ACYP2: variants seen among roughly 807,000 people sequenced by gnomAD.
The protein encoded by ACYP2 is acylphosphatase 2.
A neutral mutation model predicts 11.2 loss-of-function variants in ACYP2; 12 were observed. The observed-to-expected ratio is 1.08, with a 90% CI of 0.69 to 1.74. The LOEUF (loss-of-function observed/expected upper bound fraction) is 1.74, where lower values mean the gene tolerates loss of function less well. Among genes scored for constraint, ACYP2 ranks in the 40% most tolerant of loss-of-function variants. The probability of loss-of-function intolerance (pLI) is 0.00; values close to 1 mark genes in which losing one functional copy is unlikely to be tolerated. For missense variants in ACYP2, 134 were observed against 101.9 expected, an observed-to-expected ratio of 1.31 and a Z score of -1.35; for synonymous variants, 43 against 32.2, an observed-to-expected ratio of 1.33 and a Z score of -1.13.
intron 4 of ACYP2, among the ~76,000 whole-genome samples, chr2:54,113,335 G>A (rs1455416692): frequency 1.3e-5 from 2 of 151,666 alleles, no homozygotes; most frequent in African/African-American, 4.8e-5. Context: ...TGCCTCCTGG[G>A]CAAAAGTGAT....
At chr2:54,104,501 T>C (rs894244692) in intron 4 of ACYP2, among the ~76,000 whole-genome samples, 1 of 152,186 alleles carries the variant, frequency 6.6e-6, no homozygotes, top group African/African-American at 2.4e-5. Context: ...CAGGTTTTGT[T>C]AAGTAGACAT....
At chr2:54,170,521 A>G (rs1683178222) in intron 6 of ACYP2, among the ~76,000 whole-genome samples, 1 of 151,842 alleles carries the variant, frequency 6.6e-6, no homozygotes, top group Non-Finnish European at 1.5e-5. Flanking sequence ...GGTGATAGAA[A>G]AACTTTACCT....
chr2:54,072,277 C>T (rs1677083885), intron 4 of ACYP2, among the ~76,000 whole-genome samples: 1 of 152,084 alleles, frequency 6.6e-6, no homozygotes, highest in South Asian at 2.1e-4. Flanking sequence ...CAATGCTATT[C>T]CAATCAAAAT....
At chr2:54,094,633 G>T (rs1385241916) in intron 4 of ACYP2, among the ~76,000 whole-genome samples, 1 of 151,894 alleles carries the variant, frequency 6.6e-6, no homozygotes, top group Non-Finnish European at 1.5e-5. Flanking sequence ...TTCCTCCTGT[G>T]CTCAACCAAT....
chr2:54,252,688 G>A (rs934504530), intron 6 of ACYP2, among the ~76,000 whole-genome samples: 1 of 152,096 alleles, frequency 6.6e-6, no homozygotes, highest in Non-Finnish European at 1.5e-5. Flanking sequence ...CGGATCACAA[G>A]GTCAGGAGAT....
intron 2 of ACYP2, among the ~76,000 whole-genome samples, chr2:54,007,058 G>T (rs1297160388): frequency 6.9e-6 from 1 of 145,358 alleles, no homozygotes; most frequent in Non-Finnish European, 1.5e-5. Flanking sequence ...CAAGGAGGCG[G>T]AACCTAGGAG....
At chr2:54,172,396 A>T (rs1217817160) in intron 6 of ACYP2, among the ~76,000 whole-genome samples, 1 of 152,200 alleles carries the variant, frequency 6.6e-6, no homozygotes, top group Admixed American at 6.5e-5. Flanking sequence ...ATTTGTACCA[A>T]CTGAAGTGTT....
chr2:54,071,236 A>G (rs1403346768), intron 4 of ACYP2, among the ~76,000 whole-genome samples: 2 of 152,172 alleles, frequency 1.3e-5, no homozygotes, highest in East Asian at 3.9e-4. Context: ...TAAGACAAGG[A>G]TATTTGCTCT....
chr2:54,118,165 T>A (rs1679925722), intron 4 of ACYP2, among the ~76,000 whole-genome samples: 1 of 152,216 alleles, frequency 6.6e-6, no homozygotes, highest in South Asian at 2.1e-4. Flanking sequence ...ATCTGGAAAT[T>A]GATTCCCTGA....
chr2:54,167,460 T>C (rs1044821904), intron 6 of ACYP2, among the ~76,000 whole-genome samples: 11 of 152,192 alleles, frequency 7.2e-5, no homozygotes, highest in African/African-American at 2.7e-4. Context: ...AGACAGAGAA[T>C]AGCGTAATAC....
intron 6 of ACYP2, among the ~76,000 whole-genome samples, chr2:54,196,621 T>C (rs1332096893): frequency 1.3e-5 from 2 of 152,236 alleles, no homozygotes; most frequent in African/African-American, 4.8e-5. Context: ...TATTGGCATT[T>C]GGGGCTGGAT....
chr2:54,035,282 T>C (rs1414093641), intron 2 of ACYP2, among the ~76,000 whole-genome samples: 1 of 143,892 alleles, frequency 6.9e-6, no homozygotes, highest in Non-Finnish European at 1.5e-5. Context: ...TTTTTTTTTT[T>C]TGAGACAGAG....
intron 6 of ACYP2, among the ~76,000 whole-genome samples, chr2:54,208,528 G>C (rs1440940046): frequency 6.6e-6 from 1 of 152,024 alleles, no homozygotes; most frequent in East Asian, 1.9e-4. Flanking sequence ...GACTCCCAGG[G>C]TTGGGCAGGA....
intron 4 of ACYP2, among the ~76,000 whole-genome samples, chr2:54,079,363 C>G (rs1044562193): frequency 2.0e-4 from 30 of 152,206 alleles, no homozygotes; most frequent in African/African-American, 7.0e-4. Flanking sequence ...AAACCTAAGC[C>G]AATCAGCATT....
intron 4 of ACYP2, among the ~76,000 whole-genome samples, chr2:54,103,051 T>G (rs1042609667): frequency 1.3e-5 from 2 of 151,916 alleles, no homozygotes; most frequent in African/African-American, 4.8e-5. Flanking sequence ...TGCACAAGGG[T>G]AAGGGAAGGC....
intron 6 of ACYP2, chr2:54,267,341 G>A: frequency 6.5e-7 from 1 of 1,548,794 alleles, no homozygotes; most frequent in Non-Finnish European, 8.7e-7. Context: ...AAACAAGATA[G>A]GGCAACAGCT....
intron 2 of ACYP2, among the ~76,000 whole-genome samples, chr2:54,023,018 A>G (rs1245737741): frequency 1.3e-5 from 2 of 152,204 alleles, no homozygotes; most frequent in Non-Finnish European, 2.9e-5. Context: ...TAAGACTTAC[A>G]TTAAATAAGT....
At chr2:54,210,302 C>A (rs1453696854) in intron 6 of ACYP2, among the ~76,000 whole-genome samples, 1 of 152,060 alleles carries the variant, frequency 6.6e-6, no homozygotes, top group African/African-American at 2.4e-5. Flanking sequence ...CCCTGGACTT[C>A]CAATGTTGAC....
At chr2:53,975,469 G>C (rs906105584) in intron 2 of ACYP2, 3 of 388,466 alleles carry the variant, frequency 7.7e-6, no homozygotes, top group Middle Eastern at 1.3e-3. Context: ...GTCTGGGGTG[G>C]ATTTTCTCTT....
Sources: gnomAD v4.1 joint callset for allele counts (sites outside exome capture counted in the v4.1 genomes callset) on GRCh38, gnomAD v4.1.1 for gene constraint, MANE v1.5 for transcripts, NCBI Gene and HGNC (gene_info 2026-07-23, HGNC 2026-07-21) for gene names.